Variants in SAMD12 observed in about 807,000 individuals in gnomAD.
SAMD12 encodes sterile alpha motif domain-containing protein 12.
A neutral mutation model predicts 15.0 loss-of-function variants in SAMD12; 9 were observed. The observed-to-expected ratio is 0.60, with a 90% CI of 0.36 to 1.05. The LOEUF (loss-of-function observed/expected upper bound fraction) is 1.05, where lower values mean the gene tolerates loss of function less well. Among genes scored for constraint, SAMD12 ranks in the 50% least tolerant of loss-of-function variants. The probability of loss-of-function intolerance (pLI) is 0.01; values close to 1 mark genes in which losing one functional copy is unlikely to be tolerated. For missense variants in SAMD12, 230 were observed against 234.2 expected, an observed-to-expected ratio of 0.98 and a Z score of 0.12; for synonymous variants, 86 against 90.1, an observed-to-expected ratio of 0.96 and a Z score of 0.25.
At chr8:118,549,919 AG>A (rs1826269423) in intron 2 of SAMD12, among the ~76,000 whole-genome samples, 1 of 152,242 alleles carries the variant, frequency 6.6e-6, no homozygotes, top group Non-Finnish European at 1.5e-5. Context: ...ACTGGAAAAA[AG>A]GGTATCAGCA....
intron 4 of SAMD12, among the ~76,000 whole-genome samples, chr8:118,215,933 A>G (rs923538103): frequency 6.0e-4 from 90 of 150,848 alleles, no homozygotes; most frequent in Non-Finnish European, 1.1e-3. Context: ...ATATGTGTGC[A>G]TGTGTCTTTA....
At chr8:118,556,784 G>A (rs1826544823) in intron 2 of SAMD12, among the ~76,000 whole-genome samples, 1 of 151,936 alleles carries the variant, frequency 6.6e-6, no homozygotes, top group African/African-American at 2.4e-5. Flanking sequence ...CCAGCATGGT[G>A]AAACCCCGTC....
chr8:118,135,015 G>C, the SAMD12 span, among the ~76,000 whole-genome samples: 1 of 152,278 alleles, frequency 6.6e-6, no homozygotes, highest in African/African-American at 2.4e-5. Flanking sequence ...TTCAGGTGCT[G>C]CTGCTGGTCC....
chr8:118,163,480 A>G, the SAMD12 span, among the ~76,000 whole-genome samples: 5 of 152,192 alleles, frequency 3.3e-5, no homozygotes, highest in African/African-American at 9.7e-5. Context: ...TTTATTGTAC[A>G]GTGGTACTCA....
Position 118,456,924 on chromosome 8 carries a change from A to T in SAMD12, c.193-16963T>A, listed in dbSNP as rs578259337. On this transcript the variant is annotated intron_variant, in intron 2 of 3. Coordinates refer to ENST00000314727, the MANE Select transcript of SAMD12 (RefSeq NM_207506.3). Reference sequence around the variant, plus strand: ...ACTCTGCTCAAATGGCATTCCATGGATCTAGGTTTGCAGCTTGGTTTTTCC... The same window carrying T: ...ACTCTGCTCAAATGGCATTCCATGGTTCTAGGTTTGCAGCTTGGTTTTTCC... Among the ~76,000 whole-genome samples the T allele has an allele frequency of 2.7e-4, 41 of 152,288 alleles. No individual in the cohort carries two copies. In the South Asian group the frequency reaches 8.3e-3, roughly 31 times the overall value.
At chr8:118,197,682 G>A (rs372392504) in exon 5 of SAMD12, 7 of 1,603,704 alleles carry the variant, frequency 4.4e-6, no homozygotes, top group South Asian at 1.1e-5. Flanking sequence ...TCAACTGGCA[G>A]GACAGCAGCT....
At chr8:118,550,094 A>C (rs1232226062) in intron 2 of SAMD12, among the ~76,000 whole-genome samples, 1 of 152,240 alleles carries the variant, frequency 6.6e-6, no homozygotes, top group East Asian at 1.9e-4. Context: ...ACCAAGCTGG[A>C]AAACACTCTG....
At chr8:118,398,670 A>C (rs1820712359) in intron 3 of SAMD12, among the ~76,000 whole-genome samples, 1 of 152,118 alleles carries the variant, frequency 6.6e-6, no homozygotes, top group Non-Finnish European at 1.5e-5. Flanking sequence ...CTGCTTGACA[A>C]AGTAGATCAG....
chr8:118,246,502 T>C (rs1012044688), intron 4 of SAMD12, among the ~76,000 whole-genome samples: 2 of 152,084 alleles, frequency 1.3e-5, no homozygotes, highest in African/African-American at 4.8e-5. Flanking sequence ...CACAGGAAAA[T>C]GAAACCCTAA....
Position 118,212,062 on chromosome 8 carries a change from T to TTG in SAMD12, c.434-14332_434-14331dup, listed in dbSNP as rs35939969. On this transcript the variant is annotated intron_variant, in intron 4 of 4. Transcript: ENST00000409003. Reference sequence around the variant, plus strand: ...AAGATTTGTGTGTGTGTTGCAGATTTTGTGTGTGTGTGTGTGTGTGTTTGT... The same window carrying TTG: ...AAGATTTGTGTGTGTGTTGCAGATTTTGTGTGTGTGTGTGTGTGTGTGTTTGT... 7.2e-3 allele frequency among the ~76,000 whole-genome samples: 1,083 copies of TTG among 150,850 alleles called. 10 individuals are homozygous for TTG. The highest frequency in any genetic ancestry group is 0.018 in the African/African-American group (729 of 41,118).
chr8:118,470,224 T>C (rs1002558489), intron 2 of SAMD12, among the ~76,000 whole-genome samples: 2 of 151,628 alleles, frequency 1.3e-5, no homozygotes, highest in African/African-American at 4.9e-5. Context: ...ACACAGTGTG[T>C]TGTCACTCAA....
intron 4 of SAMD12, among the ~76,000 whole-genome samples, chr8:118,254,102 T>C (rs1363123741): frequency 6.6e-6 from 1 of 152,092 alleles, no homozygotes; most frequent in South Asian, 2.1e-4. Flanking sequence ...GCAGATTTCA[T>C]CCGTGTGAAA....
At chr8:118,153,096 G>C in the SAMD12 span, among the ~76,000 whole-genome samples, 1 of 152,192 alleles carries the variant, frequency 6.6e-6, no homozygotes, top group Non-Finnish European at 1.5e-5. Context: ...TTTTTCACTT[G>C]GTGTCTGTGT....
At position 118,378,709 on chromosome 8, in the gene SAMD12, T is replaced by A. The variant is rs2130708060; in HGVS notation, c.*708A>T. 2.0e-6 allele frequency: 2 copies of A among 985,004 alleles called. No homozygotes were observed. Among genetic ancestry groups the A allele is most frequent in the South Asian group, 9.4e-5 (2 of 21,270 alleles). The allele number at this position is 985,004 out of a possible 1,614,324, so 61.0% of individuals were successfully genotyped here. On this transcript the variant is annotated 3_prime_UTR_variant, in exon 4 of 4. Transcript: ENST00000314727. ...TATCATCCTTTCATTTAAAACGATG[T>A]ACAATGGACGCTAAAATAAAACAAA...
chr8:118,574,219 G>A (rs1827093581), intron 2 of SAMD12, among the ~76,000 whole-genome samples: 1 of 152,182 alleles, frequency 6.6e-6, no homozygotes, highest in African/African-American at 2.4e-5. Flanking sequence ...TAGTAGTTTG[G>A]GTGGATAAAC....
chr8:118,157,429 G>A, the SAMD12 span, among the ~76,000 whole-genome samples: 1 of 152,230 alleles, frequency 6.6e-6, no homozygotes, highest in African/African-American at 2.4e-5. Flanking sequence ...GGTCAGGAAT[G>A]GAATTGGTGA....
chr8:118,249,636 T>C (rs1471175683), intron 4 of SAMD12, among the ~76,000 whole-genome samples: 1 of 152,126 alleles, frequency 6.6e-6, no homozygotes, highest in Non-Finnish European at 1.5e-5. Context: ...CTAAAAGATT[T>C]TGTGTTTTAG....
downstream of SAMD12, among the ~76,000 whole-genome samples, chr8:118,377,746 G>A (rs574786560): frequency 6.6e-6 from 1 of 152,220 alleles, no homozygotes; most frequent in South Asian, 2.1e-4. Flanking sequence ...ATTAGTAGAG[G>A]AAAAGAGTCA....
At position 118,351,829 on chromosome 8, in the gene SAMD12, A is replaced by C. The variant is rs115472359; in HGVS notation, c.433+27731T>G. On this transcript the variant is annotated intron_variant, in intron 4 of 4. Transcript: ENST00000409003. The stretch of plus-strand genomic sequence containing the variant: ...AAGAAGTAGACTGAGAGAAAAGCAG[A>C]AACAAGAGAAAATGAGAGCAGATTG... 8.0e-3 allele frequency among the ~76,000 whole-genome samples: 1,217 copies of C among 152,312 alleles called. 17 individuals are homozygous for C. Among genetic ancestry groups the C allele is most frequent in the African/African-American group, 0.028 (1,160 of 41,560 alleles).
Sources: gnomAD v4.1 joint callset for allele counts (sites outside exome capture counted in the v4.1 genomes callset) on GRCh38, gnomAD v4.1.1 for gene constraint, MANE v1.5 for transcripts, NCBI Gene and HGNC (gene_info 2026-07-23, HGNC 2026-07-21) for gene names.